The following DSG2 variants were observed in gnomAD, a reference collection of about 807,000 sequenced individuals.
DSG2 encodes the protein desmoglein 2, also known as desmoglein-2.
DSG2 carries 45 observed loss-of-function variants against 75.6 expected under a neutral mutation model. That is an observed-to-expected ratio of 0.60 (90% CI 0.47 to 0.76). The LOEUF is 0.76. Among genes scored for constraint, DSG2 ranks in the 30% least tolerant of loss-of-function variants. The probability of loss-of-function intolerance (pLI) is 0.00; values close to 1 mark genes in which losing one functional copy is unlikely to be tolerated. For missense variants in DSG2, 1,267 were observed against 1,357.4 expected (o/e 0.93, Z 1.05); for synonymous variants, 429 against 483.9 (o/e 0.89, Z 1.49).
chr18:31,536,527 T>C (rs2073232081), intron 11 of DSG2, 98 bp downstream of exon 11: 2 of 1,302,956 alleles, frequency 1.5e-6, no homozygotes, highest in Non-Finnish European at 2.1e-6. Context: ...ATATTTCCAA[T>C]ATAGTTTTTT....
chr18:31,519,744 A>T, intron 2 of DSG2, 59 bp from the exon 3 acceptor site: 1 of 1,566,524 alleles, frequency 6.4e-7, no homozygotes, highest in Non-Finnish European at 8.8e-7. Flanking sequence ...ATAGGACAGC[A>T]TACTAATGTT....
intron 1 of DSG2, among the ~76,000 whole-genome samples, chr18:31,517,469 A>G (rs1178010339): frequency 1.3e-5 from 2 of 152,226 alleles, no homozygotes; most frequent in African/African-American, 4.8e-5. Context: ...TGAAAAGACA[A>G]GTATTTAAGG....
chr18:31,530,319 T>G (rs972711472), intron 8 of DSG2, among the ~76,000 whole-genome samples: 1 of 152,148 alleles, frequency 6.6e-6, no homozygotes, highest in Non-Finnish European at 1.5e-5. Context: ...TAGAACACAT[T>G]TTAAGGAATA....
In DSG2 at chr18:31,524,574, GAA is replaced by G. The variant is rs1175124367; in HGVS notation, c.820_821del (p.Asn274Ter). On this transcript the variant is annotated frameshift_variant, in exon 7 of 15. Transcript: ENST00000261590. LOFTEE classifies it high-confidence loss of function. ...TGTCAATGACAATATACCTGTAGTAGAAAATAAAGTGGTAACTATTATTCTTC... is the reference window on the plus strand; with the variant it reads ...TGTCAATGACAATATACCTGTAGTAGAATAAAGTGGTAACTATTATTCTTC... ...LDVNDNIPVV[E>X]NKVLEGMVEE... The G allele has an allele frequency of 6.2e-7, 1 of 1,613,886 alleles. No individual in the cohort carries two copies. Among genetic ancestry groups the G allele is most frequent in the Non-Finnish European group, 8.5e-7 (1 of 1,179,858 alleles).
chr18:31,519,988 G>A (rs1192926170), intron 3 of DSG2, 51 bp downstream of exon 3: 3 of 1,611,206 alleles, frequency 1.9e-6, no homozygotes. Flanking sequence ...AAAATGTGGT[G>A]TGAGAGGACT....
At chr18:31,542,422 A>G in intron 13 of DSG2, 98 bp from the exon 14 acceptor site, 1 of 1,300,756 alleles carries the variant, frequency 7.7e-7, no homozygotes, top group Non-Finnish European at 1.1e-6. Context: ...GAAATAGCTT[A>G]TACCTTCCTA....
intron 1 of DSG2, among the ~76,000 whole-genome samples, chr18:31,506,500 C>T (rs1194519383): frequency 6.6e-6 from 1 of 152,180 alleles, no homozygotes; most frequent in Non-Finnish European, 1.5e-5. Context: ...CTTGGAATTG[C>T]CTGTCGGTTA....
chr18:31,545,088 C>G (rs1375761857), intron 14 of DSG2, among the ~76,000 whole-genome samples: 1 of 152,170 alleles, frequency 6.6e-6, no homozygotes, highest in Admixed American at 6.5e-5. Flanking sequence ...CTGCTAAGCT[C>G]AATTCTAGCG....
At chr18:31,537,024 G>A (rs1437550829) in intron 11 of DSG2, among the ~76,000 whole-genome samples, 1 of 152,214 alleles carries the variant, frequency 6.6e-6, no homozygotes, top group African/African-American at 2.4e-5. Flanking sequence ...TGGACCATAT[G>A]ATGTGTTGAT....
At position 31,519,726 on chromosome 18, in the gene DSG2, ATTATG is replaced by A. The variant is rs912860902; in HGVS notation, c.82-72_82-68del. 6.0e-6 allele frequency: 9 copies of A among 1,503,172 alleles called. No homozygotes were observed. The Admixed American group carries it at 8.8e-5, about 15-fold the overall frequency. The allele number at this position is 1,503,172 out of a possible 1,614,324, so 93.1% of individuals were successfully genotyped here. ...TAAAATTTGCACTATTTAAAAGTTTATTATGTTATAGGACAGCATACTAATGTTCT... is the reference window on the plus strand; with the variant it reads ...TAAAATTTGCACTATTTAAAAGTTTATTATAGGACAGCATACTAATGTTCT... On this transcript the variant is annotated intron_variant, in intron 2 of 14. Transcript: ENST00000261590.
At position 31,524,792 on chromosome 18, in the gene DSG2, G is replaced by A. The variant is rs121913007; in HGVS notation, c.918G>A (p.Trp306Ter). 1.9e-6 allele frequency: 3 copies of A among 1,614,120 alleles called. No homozygotes were observed. Among genetic ancestry groups the A allele is most frequent in the Non-Finnish European group, 2.5e-6 (3 of 1,180,018 alleles). Residue 306 changes from tryptophan (W) to a stop codon, truncating the protein, a stop_gained, in exon 8 of 15, where the codon TGG becomes TGA. Coordinates refer to ENST00000261590, the MANE Select transcript of DSG2 (RefSeq NM_001943.5). LOFTEE classifies it high-confidence loss of function. ...CAGATGAAATAGGTTCTGATAATTG[G>A]CTGGCAAATTTTACATTTGCATCAG... Reference protein sequence around the residue: ...FDADEIGSDNWLANFTFASGN... With the variant: ...FDADEIGSDN
chr18:31,510,363 A>G (rs1322432509), intron 1 of DSG2, among the ~76,000 whole-genome samples: 5 of 152,224 alleles, frequency 3.3e-5, no homozygotes, highest in African/African-American at 4.8e-5. Flanking sequence ...TCACCTCACC[A>G]TAAAACCACT....
chr18:31,531,863 T>G (rs1404934410), intron 9 of DSG2, among the ~76,000 whole-genome samples: 2 of 152,236 alleles, frequency 1.3e-5, no homozygotes, highest in African/African-American at 4.8e-5. Context: ...AGTGGCACCT[T>G]ATTGTGTGAT....
rs1057523171 is a variant in DSG2 at position 31,498,236 on chromosome 18, C to T, written c.-16C>T. 5.6e-6 allele frequency: 7 copies of T among 1,252,926 alleles called. No homozygotes were observed. The highest frequency in any genetic ancestry group is 1.6e-5 in the African/African-American group (1 of 64,254). 77.6% of individuals were successfully genotyped at this position (1,252,926 alleles called of 1,614,324 possible). On this transcript the variant is annotated 5_prime_UTR_variant, in exon 1 of 15. Transcript: ENST00000261590. ...CGCGGAGCGGTGCGGCGGCGGGAGG[C>T]GGAGGCGAGGGTGCGATGGCGCGGA...
In DSG2 at chr18:31,520,964, G is replaced by A; in HGVS notation, c.378G>A (p.Leu126=). Residue 126 remains leucine, a splice_region_variant and synonymous_variant, in exon 4 of 15, where the codon CTG becomes CTA. Coordinates refer to ENST00000261590, the MANE Select transcript of DSG2 (RefSeq NM_001943.5). ...ILDREETPFF[L]LTGYALDARG... ...ATCGAGAAGAAACACCATTTTTTCT[G>A]GTAAGAAGAATAATTTTAGATTTAT... The A allele has an allele frequency of 6.2e-7, 1 of 1,613,100 alleles. No homozygotes were observed.
chr18:31,530,138 C>A (rs1044713481), intron 8 of DSG2, among the ~76,000 whole-genome samples: 5 of 152,010 alleles, frequency 3.3e-5, no homozygotes, highest in Admixed American at 1.3e-4. Flanking sequence ...AGGTATTATG[C>A]TAAAAAAGAG....
intron 8 of DSG2, among the ~76,000 whole-genome samples, chr18:31,525,129 T>C (rs187155685): frequency 1.3e-5 from 2 of 152,290 alleles, no homozygotes; most frequent in African/African-American, 2.4e-5. Context: ...CCACCATCAT[T>C]ACTGCTTAGC....
intron 1 of DSG2, among the ~76,000 whole-genome samples, chr18:31,512,148 A>T (rs2144301455): frequency 6.6e-6 from 1 of 151,420 alleles, no homozygotes; most frequent in African/African-American, 2.4e-5. Flanking sequence ...AACACATAAA[A>T]ACGGCTCTTA....
In DSG2 at chr18:31,498,198, G is replaced by T; in HGVS notation, c.-54G>T. The T allele has an allele frequency of 8.1e-7, 1 of 1,229,494 alleles. No homozygotes were observed. The allele number at this position is 1,229,494 out of a possible 1,614,324, so 76.2% of individuals were successfully genotyped here. ...CAGGGAGGAGCCGAGTGCGCGCTCGGGGCAGGCGGCGGCGCGGAGCGGTGC... is the reference window on the plus strand; with the variant it reads ...CAGGGAGGAGCCGAGTGCGCGCTCGTGGCAGGCGGCGGCGCGGAGCGGTGC... On this transcript the variant is annotated 5_prime_UTR_variant, in exon 1 of 15. Coordinates refer to ENST00000261590, the MANE Select transcript of DSG2 (RefSeq NM_001943.5).
Sources: allele counts gnomAD v4.1 joint callset (sites outside exome capture counted in the v4.1 genomes callset), GRCh38; gene constraint gnomAD v4.1.1; transcripts MANE v1.5; gene names NCBI Gene and HGNC (gene_info 2026-07-23, HGNC 2026-07-21).